The following DOK1 variants were observed in gnomAD, a reference collection of about 807,000 sequenced individuals.
The protein encoded by DOK1 is Downstream of tyrosine kinase 1.
In DOK1, 12 loss-of-function variants were observed where a neutral mutation model predicts 24.0. That is an observed-to-expected ratio of 0.50 (90% CI 0.32 to 0.81). The LOEUF is 0.81. Ranked by LOEUF, DOK1 falls within the 30% of genes least tolerant of loss-of-function variation. The pLI, the probability that DOK1 is intolerant of heterozygous loss-of-function variation, is 0.03. For missense variants in DOK1, 591 were observed against 620.7 expected, an observed-to-expected ratio of 0.95 and a Z score of 0.51; for synonymous variants, 250 against 260.9, an observed-to-expected ratio of 0.96 and a Z score of 0.40.
chr2:74,554,768 T>C lies in DOK1; in HGVS notation c.14T>C (p.Val5Ala), dbSNP rs910621810. ...CCGCCGGGGGCCATGGACGGAGCAG[T>C]GATGGAAGGGCCGCTTTTTTTGCAG... Reference protein sequence around the residue: MDGAVMEGPLFLQSQ... With the variant: MDGAAMEGPLFLQSQ... The change falls in exon 1 of 5, where the codon GTG (valine) becomes GCG (alanine). Residue 5 changes from valine to alanine, a missense_variant. Coordinates refer to ENST00000233668, the MANE Select transcript of DOK1 (RefSeq NM_001381.5). This position sits in a 1 kb window ranked among gnomAD's most constrained non-coding sequence, Gnocchi z 4.9. The C allele has an allele frequency of 1.1e-5, 17 of 1,613,246 alleles. No individual in the cohort carries two copies. Among genetic ancestry groups the C allele is most frequent in the Admixed American group, 3.3e-5 (2 of 60,008 alleles).
upstream of DOK1, among the ~76,000 whole-genome samples, chr2:74,550,591 C>A (rs954043776): frequency 2.6e-5 from 4 of 152,138 alleles, no homozygotes; most frequent in African/African-American, 7.2e-5. Context: ...GAATAAAAAA[C>A]CAAGAATCAA....
chr2:74,557,172 C>A lies in DOK1; in HGVS notation c.*58C>A. 2 of 1,526,438 alleles carry A rather than the reference C, an allele frequency of 1.3e-6. No homozygotes were observed. Among genetic ancestry groups the A allele is most frequent in the South Asian group, 2.5e-5 (2 of 80,424 alleles). 94.6% of individuals were successfully genotyped at this position (1,526,438 alleles called of 1,614,324 possible). ...ACCATGGGGAGGTGGCACTAGGGAT[C>A]AAAGAAGATGGTTAGAACCAGCAGA... On this transcript the variant is annotated 3_prime_UTR_variant, in exon 5 of 5. Transcript: ENST00000233668.
At chr2:74,549,975 G>A (rs536710352), upstream of DOK1, 1 of 985,452 alleles carries the variant, frequency 1.0e-6, no homozygotes, top group African/African-American at 1.7e-5. The surrounding 1 kb of genome is among the most constrained non-coding windows in gnomAD (Gnocchi z 5.3). Context: ...AGCTGGAGAG[G>A]CTCATGCCAG....
rs1285544380 is a variant in DOK1, at chr2:74,555,717, C to T, written c.454+49C>T. 1.2e-6 allele frequency: 2 copies of T among 1,611,444 alleles called. No individual in the cohort carries two copies. Among genetic ancestry groups the T allele is most frequent in the Non-Finnish European group, 1.7e-6 (2 of 1,179,092 alleles). ...AGGGATGGAGTGAAGAGGAGGAGGG[C>T]CGAGGGCCTTTGGGAAGTGGGTGGA... On this transcript the variant is annotated intron_variant, in intron 3 of 4. Coordinates refer to ENST00000233668, the MANE Select transcript of DOK1 (RefSeq NM_001381.5). This position sits in a 1 kb window ranked among gnomAD's most constrained non-coding sequence, Gnocchi z 6.1.
In DOK1 at chr2:74,555,403, G is replaced by A. The variant is rs779240196; in HGVS notation, c.310G>A (p.Ala104Thr). 1 of 1,611,434 alleles carries A rather than the reference G, an allele frequency of 6.2e-7. No homozygotes were observed. Among genetic ancestry groups the A allele is most frequent in the East Asian group, 2.2e-5 (1 of 44,852 alleles). ...AQRSHLLAADAPSSAAWVQTL... is the reference protein window; with the variant it reads ...AQRSHLLAADTPSSAAWVQTL... ...GCGCTCGCACCTGCTGGCGGCCGAC[G>A]CGCCGTCCAGTGCAGCCTGGGTGCA... Residue 104 changes from alanine (A) to threonine (T), a missense_variant, in exon 2 of 5, where the codon GCG (alanine) becomes ACG (threonine). Physicochemically the swap from Ala to Thr is moderately conservative, Grantham distance 58. Coordinates refer to ENST00000233668, the MANE Select transcript of DOK1 (RefSeq NM_001381.5). This position sits in a 1 kb window ranked among gnomAD's most constrained non-coding sequence, Gnocchi z 6.1.
chr2:74,554,410 G>GATCATTAAAAA, upstream of DOK1: 1 of 314,564 alleles, frequency 3.2e-6, no homozygotes, highest in Non-Finnish European at 5.9e-6. The surrounding 1 kb of genome is among the most constrained non-coding windows in gnomAD (Gnocchi z 4.9). Flanking sequence ...GGCGCTTTCG[G>GATCATTAAAAA]GGTGATGTCA....
At chr2:74,554,404 C>A (rs1052365160), upstream of DOK1, 1 of 295,768 alleles carries the variant, frequency 3.4e-6, no homozygotes, top group Non-Finnish European at 6.3e-6. This position sits in a 1 kb window ranked among gnomAD's most constrained non-coding sequence, Gnocchi z 4.9. Flanking sequence ...GCCCGGGGCG[C>A]TTTCGGGGTG....
upstream of DOK1, among the ~76,000 whole-genome samples, chr2:74,550,620 T>C (rs1676946127): frequency 1.3e-5 from 2 of 152,182 alleles, no homozygotes; most frequent in African/African-American, 4.8e-5. Context: ...TTCTGATCAG[T>C]CTCTACCCAT....
rs1677424227 is a variant in DOK1, at chr2:74,555,926, GA to G, written c.488del (p.Glu163GlyfsTer14). The G allele has an allele frequency of 5.0e-6, 8 of 1,612,180 alleles. No homozygotes were observed. Among genetic ancestry groups the G allele is most frequent in the Non-Finnish European group, 6.8e-6 (8 of 1,179,050 alleles). On this transcript the variant is annotated frameshift_variant, in exon 4 of 5. Transcript: ENST00000233668. LOFTEE classifies it high-confidence loss of function. The surrounding 1 kb of genome is among the most constrained non-coding windows in gnomAD (Gnocchi z 6.1). ...ATTCTGGGTAACGGTGCAGAGGACT[GA>G]GGCCGCCGAGCGCTGTGGCCTGCAT... The part of the protein sequence containing the change: ...SQFWVTVQRT[E>X]AAERCGLHGS...
Position 74,549,514 on chromosome 2 carries a change from G to A in DOK1, c.-358+342G>A. On this transcript the variant is annotated intron_variant, in intron 1 of 4. Coordinates refer to the DOK1 transcript ENST00000409429. The surrounding 1 kb of genome is among the most constrained non-coding windows in gnomAD (Gnocchi z 5.3). ...ACTTCCACCAGCCCCTCCGTCACGG[G>A]CAGGGGTCGTCTGCCCCACCCAACG... 1.2e-6 allele frequency: 2 copies of A among 1,613,628 alleles called. No individual in the cohort carries two copies. The highest frequency in any genetic ancestry group is 8.5e-7 in the Non-Finnish European group (1 of 1,179,794).
chr2:74,549,576 T>C lies in DOK1; in HGVS notation c.-358+404T>C, dbSNP rs1249867066. 6.2e-7 allele frequency: 1 copy of C among 1,607,512 alleles called. No individual in the cohort carries two copies. The highest frequency in any genetic ancestry group is 1.3e-5 in the African/African-American group (1 of 74,980). On this transcript the variant is annotated intron_variant, in intron 1 of 4. Transcript: ENST00000409429. The surrounding 1 kb of genome is among the most constrained non-coding windows in gnomAD (Gnocchi z 5.3). Reference sequence around the variant, plus strand: ...TCGCACCTCCTCCACTTGCAGGTGATGCTCTACCTGGGGGCGGGGCCACAA... The same window carrying C: ...TCGCACCTCCTCCACTTGCAGGTGACGCTCTACCTGGGGGCGGGGCCACAA...
chr2:74,555,805 T>A lies in DOK1; in HGVS notation c.455-89T>A. 1 of 1,583,216 alleles carries A rather than the reference T, an allele frequency of 6.3e-7. No individual in the cohort carries two copies. Among genetic ancestry groups the A allele is most frequent in the Non-Finnish European group, 8.6e-7 (1 of 1,165,026 alleles). Reference sequence around the variant, plus strand: ...CCCTGAGATCTGGCTTCCGAGTGAGTGCTTGGACACTATGCTCATGAGTCC... The same window carrying A: ...CCCTGAGATCTGGCTTCCGAGTGAGAGCTTGGACACTATGCTCATGAGTCC... On this transcript the variant is annotated intron_variant, in intron 3 of 4. Transcript: ENST00000233668. This position sits in a 1 kb window ranked among gnomAD's most constrained non-coding sequence, Gnocchi z 6.1.
At position 74,554,916 on chromosome 2, in the gene DOK1, AG is replaced by A. The variant is rs1360305643; in HGVS notation, c.60+103del. ...CAGCGGGCTGGAGAGCGGCGCCGGG[AG>A]TTGGAGAGCCTGTGACTTTCCCGTG... On this transcript the variant is annotated intron_variant, in intron 1 of 4. Transcript: ENST00000233668. The surrounding 1 kb of genome is among the most constrained non-coding windows in gnomAD (Gnocchi z 4.9). 46 of 1,551,414 alleles carry A rather than the reference AG, an allele frequency of 3.0e-5. No individual in the cohort carries two copies. Among genetic ancestry groups the A allele is most frequent in the Non-Finnish European group, 3.9e-5 (45 of 1,142,140 alleles).
chr2:74,550,144 A>G (rs1485457308), upstream of DOK1: 2 of 1,592,090 alleles, frequency 1.3e-6, no homozygotes, highest in Admixed American at 1.7e-5. Flanking sequence ...ACTCTCGGCT[A>G]TCCTGGGTAG....
At chr2:74,551,617 C>T (rs921366503), upstream of DOK1, among the ~76,000 whole-genome samples, 2 of 152,242 alleles carry the variant, frequency 1.3e-5, no homozygotes, top group Admixed American at 1.3e-4. Context: ...CTAGGCAGCT[C>T]TCCTCTGAAA....
upstream of DOK1, chr2:74,550,188 A>T (rs200556532): frequency 6.2e-7 from 1 of 1,613,098 alleles, no homozygotes; most frequent in East Asian, 2.2e-5. Context: ...TGCAGACCTC[A>T]ATGACATTGG....
Position 74,557,154 on chromosome 2 carries a change from G to A in DOK1, c.*40G>A. The A allele has an allele frequency of 6.4e-7, 1 of 1,567,110 alleles. No individual in the cohort carries two copies. The highest frequency in any genetic ancestry group is 8.7e-7 in the Non-Finnish European group (1 of 1,153,170). ...CTGAGGTGGCTAAGGGGGACCATGG[G>A]GAGGTGGCACTAGGGATCAAAGAAG... is the stretch of plus-strand genomic sequence containing the variant. On this transcript the variant is annotated 3_prime_UTR_variant, in exon 5 of 5. Transcript: ENST00000233668.
chr2:74,549,322 A>G lies in DOK1; in HGVS notation c.-358+150A>G, dbSNP rs777543341. The G allele has an allele frequency of 6.6e-7, 1 of 1,513,264 alleles. No homozygotes were observed. The highest frequency in any genetic ancestry group is 2.1e-5 in the Admixed American group (1 of 48,286). 93.7% of individuals were successfully genotyped at this position (1,513,264 alleles called of 1,614,324 possible). On this transcript the variant is annotated intron_variant, in intron 1 of 4. Transcript: ENST00000409429. This position sits in a 1 kb window ranked among gnomAD's most constrained non-coding sequence, Gnocchi z 5.3. Reference sequence around the variant, plus strand: ...TGTCTCCCAAGGCTATTCATCAGGGAGCACCCCAATCCCGGCCTGCTCCGC... The same window carrying G: ...TGTCTCCCAAGGCTATTCATCAGGGGGCACCCCAATCCCGGCCTGCTCCGC...
At chr2:74,552,512 C>T (rs763243931), upstream of DOK1, 17 of 1,613,428 alleles carry the variant, frequency 1.1e-5, no homozygotes, top group East Asian at 6.7e-5. Context: ...GGAACCGAAG[C>T]CCCTGGCTCC....
Sources: allele counts gnomAD v4.1 joint callset (sites outside exome capture counted in the v4.1 genomes callset), GRCh38; gene constraint gnomAD v4.1.1; non-coding constraint Gnocchi (gnomAD v3.1); transcripts MANE v1.5; gene names NCBI Gene and HGNC (gene_info 2026-07-23, HGNC 2026-07-21).